Variants in ZFHX3 observed in about 807,000 individuals in gnomAD.
ZFHX3 encodes the protein zinc finger homeobox 3.
ZFHX3 carries 42 observed loss-of-function variants against 279.1 expected under a neutral mutation model. The observed-to-expected ratio is 0.15, with a 90% confidence interval of 0.12 to 0.19. The LOEUF is 0.19. Among genes scored for constraint, ZFHX3 ranks in the 10% least tolerant of loss-of-function variants. The probability of loss-of-function intolerance (pLI) is 1.00; values close to 1 mark genes in which losing one functional copy is unlikely to be tolerated. For missense variants in ZFHX3, 4,981 were observed against 4,754.0 expected, an observed-to-expected ratio of 1.05 and a Z score of -1.40; for synonymous variants, 2,293 against 1,957.8, an observed-to-expected ratio of 1.17 and a Z score of -4.52.
intron 2 of ZFHX3, among the ~76,000 whole-genome samples, chr16:73,462,156 C>T (rs1383448988): frequency 6.6e-6 from 1 of 151,982 alleles, no homozygotes; most frequent in East Asian, 1.9e-4. Flanking sequence ...TTTCCATGTG[C>T]TCATTGTTAG....
chr16:73,874,551 C>T (rs1192382971), intron 1 of ZFHX3, among the ~76,000 whole-genome samples: 1 of 152,210 alleles, frequency 6.6e-6, no homozygotes, highest in Non-Finnish European at 1.5e-5. Context: ...TTGCCAAATA[C>T]ATTTGTAAAA....
chr16:73,652,888 CA>C (rs1462692924), intron 2 of ZFHX3, among the ~76,000 whole-genome samples: 1 of 151,668 alleles, frequency 6.6e-6, no homozygotes, highest in Non-Finnish European at 1.5e-5. Flanking sequence ...GCATTAAACA[CA>C]AAAGTAAATG....
chr16:72,796,906 C>T lies in ZFHX3; in HGVS notation c.5776G>A (p.Gly1926Ser), dbSNP rs769181542. 1.2e-6 allele frequency: 2 copies of T among 1,613,940 alleles called. No individual in the cohort carries two copies. Among genetic ancestry groups the T allele is most frequent in the Middle Eastern group, 1.6e-4 (1 of 6,062 alleles). Residue 1926 changes from glycine to serine, a missense_variant, in exon 9 of 10, where the codon GGT becomes AGT. Gly to Ser is a moderately conservative substitution (Grantham distance 56). This residue lies in a region of ZFHX3 where 1,751 missense variants were observed against 1,770.0 expected (regional missense o/e 0.99). Transcript: ENST00000268489. ...KEKKELAPGG[G>S]SEPSMLPPRI... ...GGAGGGAGCATGGAAGGCTCAGAAC[C>T]ACCCCCTGGTGCCAACTCTTTCTTC...
At chr16:72,918,748 C>T (rs561296413) in intron 3 of ZFHX3, among the ~76,000 whole-genome samples, 7 of 148,292 alleles carry the variant, frequency 4.7e-5, no homozygotes, top group African/African-American at 1.2e-4. Context: ...CAGGCTGGAG[C>T]GCAGTGGTGA....
At chr16:73,294,767 G>A (rs1291244745) in intron 4 of ZFHX3, among the ~76,000 whole-genome samples, 3 of 149,916 alleles carry the variant, frequency 2.0e-5, no homozygotes, top group Admixed American at 6.7e-5. Flanking sequence ...AGCCAAGACC[G>A]TACCACTGCA....
chr16:73,455,354 T>C (rs1243482153), intron 3 of ZFHX3, among the ~76,000 whole-genome samples: 1 of 152,168 alleles, frequency 6.6e-6, no homozygotes, highest in Non-Finnish European at 1.5e-5. Context: ...TAGTGCATCA[T>C]AGGAACATGC....
intron 2 of ZFHX3, among the ~76,000 whole-genome samples, chr16:73,489,825 A>G (rs2019030234): frequency 6.6e-6 from 1 of 152,206 alleles, no homozygotes; most frequent in Admixed American, 6.5e-5. Context: ...TGAATAAAAC[A>G]AAGCTCATAG....
rs1016339427 is a variant in ZFHX3, at chr16:73,735,593, C to T, written c.-1607-55353G>A. Among the ~76,000 whole-genome samples the T allele has an allele frequency of 8.5e-5, 13 of 152,224 alleles. No individual in the cohort carries two copies. In the East Asian group the frequency reaches 1.2e-3, roughly 14 times the overall value. On this transcript the variant is annotated intron_variant, in intron 1 of 17. Coordinates refer to the ZFHX3 transcript ENST00000641206. ...CTGGTTTGCAACACAAATGTATATG[C>T]GATCACTGTACATTTGAGAACACCA...
intron 3 of ZFHX3, among the ~76,000 whole-genome samples, chr16:73,353,392 G>A (rs550384488): frequency 2.6e-5 from 4 of 152,170 alleles, no homozygotes; most frequent in Non-Finnish European, 4.4e-5. Context: ...TGGCTCAAGC[G>A]ACCTGACTGA....
intron 1 of ZFHX3, among the ~76,000 whole-genome samples, chr16:73,733,441 A>G (rs531689509): frequency 8.5e-5 from 13 of 152,350 alleles, no homozygotes; most frequent in African/African-American, 2.9e-4. Context: ...CAGTAAAAAC[A>G]GATGTTAAAA....
chr16:72,852,196 T>C (rs1270212924), intron 4 of ZFHX3, among the ~76,000 whole-genome samples: 2 of 152,256 alleles, frequency 1.3e-5, no homozygotes, highest in Admixed American at 6.5e-5. Flanking sequence ...TGTTTTGTTC[T>C]AATTTTTTAA....
chr16:72,886,116 T>C (rs1450755278), intron 4 of ZFHX3, among the ~76,000 whole-genome samples: 5 of 152,194 alleles, frequency 3.3e-5, no homozygotes, highest in Non-Finnish European at 5.9e-5. Context: ...AGAGGGAAGA[T>C]ACATCTTAAG....
In ZFHX3 at chr16:73,806,154, A is replaced by G. The variant is rs575436232; in HGVS notation, c.-1608+85497T>C. 6.6e-5 allele frequency among the ~76,000 whole-genome samples: 10 copies of G among 152,346 alleles called. No homozygotes were observed. In the South Asian group the frequency reaches 1.7e-3, roughly 25 times the overall value. On this transcript the variant is annotated intron_variant, in intron 1 of 17. Transcript: ENST00000641206. ...CTCACTATCACAAGGACAGCAGGGCAGAAATTGCCCCAGTGATTCAATTAT... is the reference window on the plus strand; with the variant it reads ...CTCACTATCACAAGGACAGCAGGGCGGAAATTGCCCCAGTGATTCAATTAT...
intron 3 of ZFHX3, among the ~76,000 whole-genome samples, chr16:73,372,428 G>C (rs2016646908): frequency 6.6e-6 from 1 of 152,064 alleles, no homozygotes; most frequent in Non-Finnish European, 1.5e-5. Context: ...CGAAGCTCTT[G>C]CCAGAAAACG....
At chr16:73,066,763 C>T (rs1464605455) in intron 8 of ZFHX3, among the ~76,000 whole-genome samples, 1 of 152,226 alleles carries the variant, frequency 6.6e-6, no homozygotes, top group African/African-American at 2.4e-5. Context: ...CCCGTGCCTG[C>T]CTCCCCGTCA....
At chr16:73,182,982 A>C (rs1303835906) in intron 5 of ZFHX3, among the ~76,000 whole-genome samples, 1 of 152,184 alleles carries the variant, frequency 6.6e-6, no homozygotes, top group African/African-American at 2.4e-5. Flanking sequence ...AGGTGGGTGG[A>C]TCACCTCAGG....
Position 72,950,486 on chromosome 16 carries a change from T to C in ZFHX3, c.3199A>G (p.Ser1067Gly). The change falls in exon 3 of 10, where the codon AGC becomes GGC. Residue 1067 changes from serine (S) to glycine (G), a missense_variant. Physicochemically the swap from Ser to Gly is moderately conservative, Grantham distance 56. This residue lies in a region of ZFHX3 where 1,751 missense variants were observed against 1,770.0 expected (regional missense o/e 0.99). Transcript: ENST00000268489. ...LHTVNSRHEA[S>G]LKLYKHLQQH... ...GGCCTTACCTTGTACAACTTCAGGCTGGCCTCGTGCCTGGAGTTGACCGTG... is the reference window on the plus strand; with the variant it reads ...GGCCTTACCTTGTACAACTTCAGGCCGGCCTCGTGCCTGGAGTTGACCGTG... 1 of 1,613,854 alleles carries C rather than the reference T, an allele frequency of 6.2e-7. No individual in the cohort carries two copies. Among genetic ancestry groups the C allele is most frequent in the Non-Finnish European group, 8.5e-7 (1 of 1,179,712 alleles).
At chr16:73,492,846 T>A (rs1045965223) in intron 2 of ZFHX3, among the ~76,000 whole-genome samples, 2 of 152,228 alleles carry the variant, frequency 1.3e-5, no homozygotes, top group African/African-American at 2.4e-5. Context: ...CCTAGCGGAC[T>A]GTGGTGAGAC....
chr16:72,841,110 G>A (rs2037334368), intron 4 of ZFHX3, among the ~76,000 whole-genome samples: 1 of 152,202 alleles, frequency 6.6e-6, no homozygotes, highest in African/African-American at 2.4e-5. Flanking sequence ...GGAGCCTTCA[G>A]GTGCCTACCA....
Sources: gnomAD v4.1 joint callset for allele counts (sites outside exome capture counted in the v4.1 genomes callset) on GRCh38, gnomAD v4.1.1 for gene constraint, gnomAD v4.1.1 regional missense constraint, MANE v1.5 for transcripts, NCBI Gene and HGNC (gene_info 2026-07-23, HGNC 2026-07-21) for gene names.